Variants in RALGAPA2 observed in about 807,000 individuals in gnomAD.
RALGAPA2 encodes the protein ral GTPase-activating protein subunit alpha-2.
In RALGAPA2, 139 loss-of-function variants were observed where a neutral mutation model predicts 230.4. That is an observed-to-expected ratio of 0.60 (90% CI 0.53 to 0.69). The LOEUF (loss-of-function observed/expected upper bound fraction) is 0.69, where lower values mean the gene tolerates loss of function less well. Ranked by LOEUF, RALGAPA2 falls within the 30% of genes least tolerant of loss-of-function variation. The pLI is 0.00. For synonymous variants in RALGAPA2, 847 were observed against 837.8 expected, an observed-to-expected ratio of 1.01 and a Z score of -0.19; for missense variants, 2,163 against 2,276.0, an observed-to-expected ratio of 0.95 and a Z score of 1.01.
intron 38 of RALGAPA2, among the ~76,000 whole-genome samples, chr20:20,411,468 C>A (rs2060057597): frequency 6.6e-6 from 1 of 152,200 alleles, no homozygotes; most frequent in Non-Finnish European, 1.5e-5. Context: ...AAGCTAGTTT[C>A]TAAACGGGTT....
chr20:20,498,185 C>T (rs6035637), intron 35 of RALGAPA2, among the ~76,000 whole-genome samples: 152,264 of 152,264 alleles, frequency 1, 76,132 homozygotes, highest in Non-Finnish European at 1. Flanking sequence ...TCAGTGAGTT[C>T]GGTGAGTGCA....
chr20:20,660,065 T>A, intron 3 of RALGAPA2: 1 of 174,696 alleles, frequency 5.7e-6, no homozygotes, highest in Non-Finnish European at 1.2e-5. Flanking sequence ...GCCAACGTGG[T>A]GAAACCCAGT....
In RALGAPA2 at chr20:20,526,291, A is replaced by C; in HGVS notation, c.3654T>G (p.Leu1218=). 2 of 1,609,312 alleles carry C rather than the reference A, an allele frequency of 1.2e-6. No homozygotes were observed. The highest frequency in any genetic ancestry group is 2.2e-5 in the South Asian group (2 of 89,496). ...GAGGCAGAGAGGTTTCAAACATCTG[A>C]AGCTTCTCCCAGTAGGAAACCAGCA... is the stretch of plus-strand genomic sequence containing the variant. ...LQLLVSYWEK[L]QMFETSLPRK... The change falls in exon 28 of 40, where the codon CTT becomes CTG. Residue 1218 remains leucine (L), a synonymous_variant. Transcript: ENST00000202677.
chr20:20,522,520 T>C (rs529876799), intron 30 of RALGAPA2, among the ~76,000 whole-genome samples: 15 of 152,322 alleles, frequency 9.8e-5, no homozygotes, highest in African/African-American at 3.6e-4. Context: ...TCTGCTCTGT[T>C]ACACAGGATA....
intron 7 of RALGAPA2, among the ~76,000 whole-genome samples, chr20:20,638,588 A>C (rs1403174881): frequency 6.6e-6 from 1 of 152,202 alleles, no homozygotes; most frequent in African/African-American, 2.4e-5. Context: ...ACAACTCATT[A>C]GTGACACACC....
At position 20,393,179 on chromosome 20, in the gene RALGAPA2, G is replaced by T; in HGVS notation, c.*110C>A. 2 of 1,350,530 alleles carry T rather than the reference G, an allele frequency of 1.5e-6. No homozygotes were observed. The highest frequency in any genetic ancestry group is 2.0e-6 in the Non-Finnish European group (2 of 1,014,216). The allele number at this position is 1,350,530 out of a possible 1,614,324, so 83.7% of individuals were successfully genotyped here. A position where few individuals can be genotyped will look rare whatever the true frequency, so the allele number is the denominator to read the frequency against. ...CTGGGTTTAGTGGCTCGGGGCAGAG[G>T]CAGGAGAGGGTGTTCTGTCTCCTCC... On this transcript the variant is annotated 3_prime_UTR_variant, in exon 40 of 40. Transcript: ENST00000202677.
intron 23 of RALGAPA2, among the ~76,000 whole-genome samples, chr20:20,559,898 C>T (rs565032372): frequency 1.3e-5 from 2 of 152,272 alleles, no homozygotes; most frequent in Admixed American, 6.5e-5. Context: ...TAACTGAAAG[C>T]ATTTTGTAAA....
chr20:20,658,167 G>T (rs2067653215), intron 3 of RALGAPA2, among the ~76,000 whole-genome samples: 1 of 152,176 alleles, frequency 6.6e-6, no homozygotes, highest in South Asian at 2.1e-4. Context: ...GCTTGGATAT[G>T]AAATGCATGC....
chr20:20,705,177 TCACA>T (rs772282868), intron 1 of RALGAPA2, among the ~76,000 whole-genome samples: 1 of 152,238 alleles, frequency 6.6e-6, no homozygotes, highest in Non-Finnish European at 1.5e-5. Context: ...AGGCATGCAC[TCACA>T]CAGTCTTTAA....
intron 14 of RALGAPA2, among the ~76,000 whole-genome samples, chr20:20,606,080 T>C (rs575416000): frequency 6.6e-6 from 1 of 152,248 alleles, no homozygotes; most frequent in South Asian, 2.1e-4. Flanking sequence ...CATTTAAATA[T>C]ACTCCAAACT....
rs538269801 is a variant in RALGAPA2, at chr20:20,691,900, G to C, written c.107-11099C>G. On this transcript the variant is annotated intron_variant, in intron 1 of 39. Coordinates refer to ENST00000202677, the MANE Select transcript of RALGAPA2 (RefSeq NM_020343.4). ...TGGAAGACATATGGATCATGGGGGT[G>C]GATTCCTCATGAACATCCTGGTGCT... is the stretch of plus-strand genomic sequence containing the variant. Among the ~76,000 whole-genome samples, 20 of 152,226 alleles carry C rather than the reference G, an allele frequency of 1.3e-4. No individual in the cohort carries two copies. The South Asian group carries it at 1.7e-3, about 13-fold the overall frequency.
intron 36 of RALGAPA2, among the ~76,000 whole-genome samples, chr20:20,486,150 TA>T (rs1255222899): frequency 2.6e-5 from 4 of 151,216 alleles, no homozygotes; most frequent in Admixed American, 2.6e-4. Context: ...AAAAAAAGAA[TA>T]AAAAAAACAG....
chr20:20,452,044 C>T (rs1156843530), intron 37 of RALGAPA2, among the ~76,000 whole-genome samples: 3 of 152,180 alleles, frequency 2.0e-5, no homozygotes, highest in Non-Finnish European at 4.4e-5. Flanking sequence ...AAGTGTTCAA[C>T]TAATACAGTG....
At chr20:20,589,631 A>C (rs1244138312) in intron 17 of RALGAPA2, among the ~76,000 whole-genome samples, 1 of 152,058 alleles carries the variant, frequency 6.6e-6, no homozygotes, top group East Asian at 1.9e-4. Context: ...TTATGTTCGC[A>C]CAGGGGAGGG....
At chr20:20,589,680 A>C (rs1265642354) in intron 17 of RALGAPA2, among the ~76,000 whole-genome samples, 7 of 152,272 alleles carry the variant, frequency 4.6e-5, no homozygotes, top group East Asian at 1.9e-4. Context: ...AAGGTATCTC[A>C]GAGAAAAAGT....
At chr20:20,633,061 T>G (rs1477333769) in intron 9 of RALGAPA2, among the ~76,000 whole-genome samples, 1 of 151,750 alleles carries the variant, frequency 6.6e-6, no homozygotes, top group Non-Finnish European at 1.5e-5. Context: ...CCTTTCTTTC[T>G]TTTCTCTTTC....
intron 36 of RALGAPA2, among the ~76,000 whole-genome samples, chr20:20,486,940 A>C (rs539234745): frequency 6.6e-6 from 1 of 152,172 alleles, no homozygotes; most frequent in African/African-American, 2.4e-5. Flanking sequence ...TGGAGTGCCT[A>C]TCTCTCTACT....
At chr20:20,443,949 C>T (rs1240480428) in intron 37 of RALGAPA2, among the ~76,000 whole-genome samples, 1 of 152,248 alleles carries the variant, frequency 6.6e-6, no homozygotes, top group Admixed American at 6.5e-5. Context: ...CTGCTTAATG[C>T]CTTAGGGCAG....
chr20:20,584,724 T>C, intron 19 of RALGAPA2, 141 bp downstream of exon 19: 1 of 579,660 alleles, frequency 1.7e-6, no homozygotes, highest in Non-Finnish European at 2.8e-6. Flanking sequence ...GAGGCTGCAG[T>C]GAGCCATGAT....
Sources: gnomAD v4.1 joint callset for allele counts (sites outside exome capture counted in the v4.1 genomes callset) on GRCh38, gnomAD v4.1.1 for gene constraint, MANE v1.5 for transcripts, NCBI Gene and HGNC (gene_info 2026-07-23, HGNC 2026-07-21) for gene names.